The following SERPINB12 variants were observed in gnomAD, a reference collection of about 807,000 sequenced individuals.
SERPINB12 encodes serpin B12.
Under a neutral mutation model 41.1 loss-of-function variants are expected in SERPINB12, and 57 were observed. The observed-to-expected ratio is 1.39, with a 90% CI of 1.12 to 1.73. The LOEUF (loss-of-function observed/expected upper bound fraction) is 1.73, where lower values mean the gene tolerates loss of function less well. Among genes scored for constraint, SERPINB12 ranks in the 40% most tolerant of loss-of-function variants. The pLI is 0.00. For synonymous variants in SERPINB12, 180 were observed against 181.3 expected, an observed-to-expected ratio of 0.99 and a Z score of 0.06; for missense variants, 536 against 501.9, an observed-to-expected ratio of 1.07 and a Z score of -0.65.
intron 1 of SERPINB12, among the ~76,000 whole-genome samples, chr18:63,549,814 G>C (rs1036506431): frequency 6.6e-6 from 1 of 152,150 alleles, no homozygotes; most frequent in African/African-American, 2.4e-5. Context: ...GGTGACATCT[G>C]CATCCCACAG....
intron 5 of SERPINB12, 139 bp downstream of exon 5, chr18:63,561,341 A>G: frequency 1.6e-6 from 1 of 609,620 alleles, no homozygotes; most frequent in East Asian, 2.9e-5. Context: ...TGGTTTGCAG[A>G]ATGAGATACC....
At chr18:63,519,159 C>T in the SERPINB12 span, among the ~76,000 whole-genome samples, 1 of 152,182 alleles carries the variant, frequency 6.6e-6, no homozygotes, top group Non-Finnish European at 1.5e-5. Flanking sequence ...AAAAGCACTT[C>T]TACCCGTATG....
chr18:63,520,904 A>G, the SERPINB12 span, among the ~76,000 whole-genome samples: 7 of 152,372 alleles, frequency 4.6e-5, no homozygotes, highest in Admixed American at 3.3e-4. Flanking sequence ...TAGCCTTGCA[A>G]TAGGAATATG....
At chr18:63,553,132 T>C (rs1910576379) in intron 1 of SERPINB12, among the ~76,000 whole-genome samples, 1 of 152,170 alleles carries the variant, frequency 6.6e-6, no homozygotes, top group Admixed American at 6.5e-5. Context: ...ACAGTACTCC[T>C]GGAAAGTAGT....
chr18:63,568,001 C>A lies in SERPINB12; in HGVS notation c.*990C>A, dbSNP rs1767060393. Among the ~76,000 whole-genome samples, 1 of 152,158 alleles carries A rather than the reference C, an allele frequency of 6.6e-6. No homozygotes were observed. The highest frequency in any genetic ancestry group is 2.4e-5 in the African/African-American group (1 of 41,440). Reference sequence around the variant, plus strand: ...GTGTGCCCCTCTCTCTGCCTTCTGGCCACGTGGACTTTTGTGTCTTCCGAG... The same window carrying A: ...GTGTGCCCCTCTCTCTGCCTTCTGGACACGTGGACTTTTGTGTCTTCCGAG... On this transcript the variant is annotated 3_prime_UTR_variant, in exon 8 of 8. Transcript: ENST00000382768.
chr18:63,558,338 C>T lies in SERPINB12; in HGVS notation c.169-14C>T. 1 of 1,606,626 alleles carries T rather than the reference C, an allele frequency of 6.2e-7. No individual in the cohort carries two copies. The highest frequency in any genetic ancestry group is 8.5e-7 in the Non-Finnish European group (1 of 1,177,672). Reference sequence around the variant, plus strand: ...TTCATATTATCTGAAAGACCCCATCCCGTTATCATGCAGGTACTACACTTC... The same window carrying T: ...TTCATATTATCTGAAAGACCCCATCTCGTTATCATGCAGGTACTACACTTC... On this transcript the variant is annotated splice_polypyrimidine_tract_variant and intron_variant, in intron 2 of 7. Coordinates refer to ENST00000382768, the MANE Select transcript of SERPINB12 (RefSeq NM_001307928.2).
chr18:63,541,068 C>G (rs1910261493), upstream of SERPINB12, among the ~76,000 whole-genome samples: 1 of 152,088 alleles, frequency 6.6e-6, no homozygotes, highest in South Asian at 2.1e-4. Flanking sequence ...AATTCATTTG[C>G]ACTCAACTAC....
chr18:63,538,189 T>C (rs566408511), upstream of SERPINB12, among the ~76,000 whole-genome samples: 4 of 152,290 alleles, frequency 2.6e-5, no homozygotes, highest in Admixed American at 1.3e-4. Flanking sequence ...GAAAACTACT[T>C]TATTAAAATA....
the SERPINB12 span, among the ~76,000 whole-genome samples, chr18:63,526,438 G>A: frequency 3.2e-4 from 48 of 152,302 alleles, no homozygotes; most frequent in African/African-American, 1.1e-3. Flanking sequence ...ATCCTGAGTA[G>A]TTGGGATTAC....
intron 1 of SERPINB12, among the ~76,000 whole-genome samples, chr18:63,555,160 C>T (rs1048629524): frequency 6.6e-6 from 1 of 152,144 alleles, no homozygotes; most frequent in Non-Finnish European, 1.5e-5. Flanking sequence ...GACATCAAGA[C>T]CCCCAGCATC....
intron 1 of SERPINB12, among the ~76,000 whole-genome samples, chr18:63,549,224 C>T (rs546324146): frequency 1.6e-3 from 242 of 152,012 alleles, no homozygotes; most frequent in African/African-American, 4.9e-3. Flanking sequence ...GGAAAGCACA[C>T]GGAAAAATAA....
upstream of SERPINB12, among the ~76,000 whole-genome samples, chr18:63,540,814 A>T (rs1212538274): frequency 1.3e-5 from 2 of 152,192 alleles, no homozygotes; most frequent in Admixed American, 1.3e-4. Flanking sequence ...TGTCATTAAC[A>T]TAGTCACTCA....
intron 2 of SERPINB12, among the ~76,000 whole-genome samples, chr18:63,557,601 T>C (rs753805189): frequency 6.6e-6 from 1 of 152,238 alleles, no homozygotes; most frequent in Admixed American, 6.5e-5. Context: ...TGGTGTATTA[T>C]TTTCTTATTC....
intron 3 of SERPINB12, 73 bp downstream of exon 3, chr18:63,558,559 T>C (rs988293223): frequency 6.8e-7 from 1 of 1,470,264 alleles, no homozygotes; most frequent in Non-Finnish European, 9.1e-7. Flanking sequence ...GGATATTTGG[T>C]GATAGTTGCT....
rs202131104 is a variant in SERPINB12, at chr18:63,558,412, A to G, written c.229A>G (p.Ser77Gly). The change falls in exon 3 of 8, where the codon AGC (serine) becomes GGC (glycine). Residue 77 changes from serine (S) to glycine (G), a missense_variant. Ser to Gly is a moderately conservative substitution (Grantham distance 56). Transcript: ENST00000382768. ...CAAAGAACCTGACCCTTGTCTGAAA[A>G]GCAACAAACAAAAAGTGCTGGCTGA... Reference protein sequence around the residue: ...ESKEPDPCLKSNKQKVLADSS... With the variant: ...ESKEPDPCLKGNKQKVLADSS... The G allele has an allele frequency of 6.2e-7, 1 of 1,613,978 alleles. No individual in the cohort carries two copies. The highest frequency in any genetic ancestry group is 1.3e-5 in the African/African-American group (1 of 75,042).
the SERPINB12 span, among the ~76,000 whole-genome samples, chr18:63,522,023 CAT>C: frequency 3.3e-3 from 498 of 152,300 alleles, 6 homozygotes; most frequent in African/African-American, 0.011. Context: ...TATAGAGAAA[CAT>C]AGTTTTTCTC....
At chr18:63,523,107 G>A in the SERPINB12 span, among the ~76,000 whole-genome samples, 2,364 of 152,212 alleles carry the variant, frequency 0.016, 73 homozygotes, top group African/African-American at 0.054. Context: ...GAGATAAAAA[G>A]AGATTTAATT....
At chr18:63,555,197 A>G (rs1406308200) in intron 1 of SERPINB12, among the ~76,000 whole-genome samples, 1 of 152,206 alleles carries the variant, frequency 6.6e-6, no homozygotes, top group East Asian at 1.9e-4. Flanking sequence ...CTCTTGAACA[A>G]TATGAATGAC....
chr18:63,527,939 T>C, the SERPINB12 span, among the ~76,000 whole-genome samples: 2 of 151,902 alleles, frequency 1.3e-5, no homozygotes, highest in African/African-American at 2.4e-5. Flanking sequence ...GTTCTCATGA[T>C]AGTGAATAAG....
Sources: gnomAD v4.1 joint callset for allele counts (sites outside exome capture counted in the v4.1 genomes callset) on GRCh38, gnomAD v4.1.1 for gene constraint, MANE v1.5 for transcripts, NCBI Gene and HGNC (gene_info 2026-07-23, HGNC 2026-07-21) for gene names.